Variants in JMJD1C observed in about 807,000 individuals in gnomAD.
JMJD1C encodes the protein jumonji domain-containing protein 1C.
Under a neutral mutation model 245.3 loss-of-function variants are expected in JMJD1C, and 31 were observed. That is an observed-to-expected ratio of 0.13 (90% CI 0.09 to 0.17). The LOEUF (loss-of-function observed/expected upper bound fraction) is 0.17. JMJD1C is among the 10% of genes least tolerant of loss of function. The pLI, the probability that JMJD1C is intolerant of heterozygous loss-of-function variation, is 1.00. For missense variants in JMJD1C, 2,691 were observed against 3,000.2 expected, an observed-to-expected ratio of 0.90 and a Z score of 2.41; for synonymous variants, 1,057 against 1,017.4, an observed-to-expected ratio of 1.04 and a Z score of -0.74.
chr10:63,251,039 A>G (rs1852997482), intron 3 of JMJD1C, among the ~76,000 whole-genome samples: 1 of 152,184 alleles, frequency 6.6e-6, no homozygotes, highest in African/African-American at 2.4e-5. Context: ...CACCATAACC[A>G]GCCTAGGCAT....
At chr10:63,321,008 C>T (rs755636325) in intron 2 of JMJD1C, among the ~76,000 whole-genome samples, 9 of 152,096 alleles carry the variant, frequency 5.9e-5, no homozygotes, top group Non-Finnish European at 1.2e-4. Context: ...TCAATGATGC[C>T]TATGTAATGA....
At position 63,209,103 on chromosome 10, in the gene JMJD1C, T is replaced by A; in HGVS notation, c.2827A>T (p.Ser943Cys). 6.2e-7 allele frequency: 1 copy of A among 1,613,806 alleles called. No homozygotes were observed. The highest frequency in any genetic ancestry group is 8.5e-7 in the Non-Finnish European group (1 of 1,179,832). ...ACTAAAGTTTTTGTCAATGGTGGAC[T>A]GGAATGGGCTGTAATTTTAAGAGGC... ...HRPLKITAHS[S>C]PPLTKTLVDH... Residue 943 changes from serine (S) to cysteine (C), a missense_variant, in exon 9 of 26, where the codon AGT (serine) becomes TGT (cysteine). By Grantham distance (112) the Ser-to-Cys change is moderately radical. Around this residue, in one of 9 missense-constraint regions of JMJD1C, gnomAD observed 1,562 missense variants for 1,490.7 expected, o/e 1.05. Transcript: ENST00000399262.
At chr10:63,178,521 C>T (rs971950202) in intron 22 of JMJD1C, among the ~76,000 whole-genome samples, 8 of 152,134 alleles carry the variant, frequency 5.3e-5, no homozygotes, top group African/African-American at 1.4e-4. Context: ...CCTATACTTA[C>T]TTAAGAATAA....
chr10:63,263,004 T>A (rs554535318), intron 3 of JMJD1C, among the ~76,000 whole-genome samples: 1 of 152,264 alleles, frequency 6.6e-6, no homozygotes, highest in African/African-American at 2.4e-5. Flanking sequence ...AACCACAGAA[T>A]TAAAACATTA....
At chr10:63,443,247 C>G (rs1951498553) in intron 1 of JMJD1C, among the ~76,000 whole-genome samples, 1 of 152,218 alleles carries the variant, frequency 6.6e-6, no homozygotes, top group Non-Finnish European at 1.5e-5. Context: ...CACCCTCTCT[C>G]AGGGTGTCAC....
chr10:63,198,607 T>C lies in JMJD1C; in HGVS notation c.5397A>G (p.Ile1799Met). The change falls in exon 12 of 26, where the codon ATA becomes ATG. Residue 1799 changes from isoleucine (I) to methionine (M), a missense_variant. Physicochemically the swap from Ile to Met is conservative, Grantham distance 10. Transcript: ENST00000399262. ...HENFEDDELD[I>M]ETSKYILDII... Reference sequence around the variant, plus strand: ...TATCCAAGATATATTTAGAAGTCTCTATATCTAGTTCATCATCTTCAAAAT... The same window carrying C: ...TATCCAAGATATATTTAGAAGTCTCCATATCTAGTTCATCATCTTCAAAAT... 1.2e-6 allele frequency: 2 copies of C among 1,608,880 alleles called. No homozygotes were observed. The highest frequency in any genetic ancestry group is 1.7e-6 in the Non-Finnish European group (2 of 1,175,790).
intron 1 of JMJD1C, among the ~76,000 whole-genome samples, chr10:63,392,824 CAAAAAAA>C (rs991038264): frequency 3.5e-4 from 10 of 28,814 alleles, no homozygotes; most frequent in African/African-American, 1.2e-3. Flanking sequence ...ACTTCGTCTC[CAAAAAAA>C]AAAAAAAAAA....
chr10:63,335,981 C>T (rs1240651218), intron 2 of JMJD1C, among the ~76,000 whole-genome samples: 1 of 151,284 alleles, frequency 6.6e-6, no homozygotes, highest in African/African-American at 2.4e-5. Context: ...ATTAGCCAGG[C>T]GAGGTAGCTT....
At chr10:63,400,272 T>C (rs1948768269) in intron 1 of JMJD1C, among the ~76,000 whole-genome samples, 1 of 152,156 alleles carries the variant, frequency 6.6e-6, no homozygotes, top group Non-Finnish European at 1.5e-5. Flanking sequence ...GGCATACTCC[T>C]AAGGTAGGAT....
chr10:63,426,514 T>C (rs1472639144), intron 1 of JMJD1C, among the ~76,000 whole-genome samples: 1 of 151,908 alleles, frequency 6.6e-6, no homozygotes, highest in Non-Finnish European at 1.5e-5. Context: ...CTACTGAAAA[T>C]ACAAAAATTA....
intron 1 of JMJD1C, among the ~76,000 whole-genome samples, chr10:63,510,007 CT>C (rs35352946): frequency 0.61 from 87,338 of 142,608 alleles, 29,040 homozygotes; most frequent in Non-Finnish European, 0.77. Context: ...GATTTTAGAT[CT>C]TTTTTTTTTT....
chr10:63,400,875 T>TTTG (rs959194497), intron 1 of JMJD1C, among the ~76,000 whole-genome samples: 1 of 151,100 alleles, frequency 6.6e-6, no homozygotes, highest in Non-Finnish European at 1.5e-5. Context: ...TCCAGCCCTT[T>TTTG]TTGTTGTTGT....
intron 13 of JMJD1C, among the ~76,000 whole-genome samples, chr10:63,196,614 T>C (rs1020204898): frequency 6.6e-6 from 1 of 152,184 alleles, no homozygotes; most frequent in Non-Finnish European, 1.5e-5. Flanking sequence ...AAGAGCGGCC[T>C]GAAATGAAAA....
intron 1 of JMJD1C, among the ~76,000 whole-genome samples, chr10:63,476,220 A>AAT (rs1401121117): frequency 2.0e-5 from 3 of 148,814 alleles, no homozygotes; most frequent in African/African-American, 7.4e-5. Flanking sequence ...AAAATAAACA[A>AAT]ATATATACAT....
chr10:63,258,005 AAT>A (rs1358884888), intron 3 of JMJD1C, among the ~76,000 whole-genome samples: 1 of 152,244 alleles, frequency 6.6e-6, no homozygotes, highest in Admixed American at 6.5e-5. Flanking sequence ...GTGGCAGAGA[AAT>A]AGTCAATGAG....
chr10:63,205,806 TC>T (rs1321645103), intron 10 of JMJD1C, among the ~76,000 whole-genome samples: 1 of 152,174 alleles, frequency 6.6e-6, no homozygotes, highest in Non-Finnish European at 1.5e-5. Context: ...GAGACCACTG[TC>T]ATATATACAT....
In JMJD1C at chr10:63,214,369, T is replaced by G. The variant is rs374685297; in HGVS notation, c.1798A>C (p.Ile600Leu). Residue 600 changes from isoleucine to leucine, a missense_variant, in exon 8 of 26, where the codon ATT becomes CTT. This residue lies in a region of JMJD1C where 1,562 missense variants were observed against 1,490.7 expected (regional missense o/e 1.05). Coordinates refer to ENST00000399262, the MANE Select transcript of JMJD1C (RefSeq NM_032776.3). ...ACAGAAACTGCACTTAAAGGAGAAA[T>G]GTAAGAGACATACTTCTCTTTTTCC... ...NMEKEKYVSY[I>L]SPLSAVSVME... 12 of 1,613,922 alleles carry G rather than the reference T, an allele frequency of 7.4e-6. No individual in the cohort carries two copies. In the Admixed American group the frequency reaches 1.8e-4, roughly 25 times the overall value.
At chr10:63,420,749 GA>G (rs1336190834) in intron 1 of JMJD1C, among the ~76,000 whole-genome samples, 1 of 142,574 alleles carries the variant, frequency 7.0e-6, no homozygotes, top group East Asian at 2.0e-4. Context: ...GGCTGGGAAA[GA>G]AAGAATTAGT....
chr10:63,417,659 A>T (rs1241056541), intron 1 of JMJD1C, among the ~76,000 whole-genome samples: 3 of 152,198 alleles, frequency 2.0e-5, no homozygotes, highest in Non-Finnish European at 2.9e-5. Flanking sequence ...AAATGGATGG[A>T]TACAACTGTC....
Sources: allele counts gnomAD v4.1 joint callset (sites outside exome capture counted in the v4.1 genomes callset), GRCh38; gene constraint gnomAD v4.1.1; regional missense constraint gnomAD v4.1.1; transcripts MANE v1.5; gene names NCBI Gene and HGNC (gene_info 2026-07-23, HGNC 2026-07-21).